GATAD2A: variants seen among roughly 807,000 people sequenced by gnomAD.
GATAD2A encodes GATA zinc finger domain containing 2A, also known as transcriptional repressor p66-alpha.
In GATAD2A, 12 loss-of-function variants were observed where a neutral mutation model predicts 68.5. The observed-to-expected ratio is 0.18, with a 90% CI of 0.11 to 0.28. The LOEUF (loss-of-function observed/expected upper bound fraction) is 0.28, where lower values mean the gene tolerates loss of function less well. Among genes scored for constraint, GATAD2A ranks in the 10% least tolerant of loss-of-function variants. GATAD2A has a pLI of 1.00. For synonymous variants in GATAD2A, 410 were observed against 375.3 expected (o/e 1.09, Z -1.07); for missense variants, 755 against 868.5 (o/e 0.87, Z 1.64).
At chr19:19,461,761 C>T (rs2057449667) in intron 1 of GATAD2A, among the ~76,000 whole-genome samples, 1 of 152,244 alleles carries the variant, frequency 6.6e-6, no homozygotes, top group South Asian at 2.1e-4. Context: ...CTCATCTGTG[C>T]TGGCTTGCAG....
At chr19:19,478,614 T>C (rs1349227224) in intron 2 of GATAD2A, among the ~76,000 whole-genome samples, 1 of 151,454 alleles carries the variant, frequency 6.6e-6, no homozygotes, top group African/African-American at 2.4e-5. Context: ...GAAAAAAAAT[T>C]TCAGCCTGGG....
Position 19,494,282 on chromosome 19 carries a change from G to C in GATAD2A, c.535-12G>C. On this transcript the variant is annotated splice_polypyrimidine_tract_variant and intron_variant, in intron 4 of 11. Coordinates refer to ENST00000683918, the MANE Select transcript of GATAD2A (RefSeq NM_001384528.1). ...GTGGCCCCTCACCTCCTGGTGTCCT[G>C]CTCTCTTGCAGCCCACAGGTTCTGT... is the stretch of plus-strand genomic sequence containing the variant. 6.3e-7 allele frequency: 1 copy of C among 1,575,082 alleles called. No homozygotes were observed. Among genetic ancestry groups the C allele is most frequent in the Non-Finnish European group, 8.7e-7 (1 of 1,146,204 alleles).
intron 10 of GATAD2A, 106 bp downstream of exon 10, chr19:19,502,149 C>G (rs1418018018): frequency 2.1e-6 from 2 of 934,116 alleles, no homozygotes; most frequent in Non-Finnish European, 3.4e-6. Context: ...CTCCCTGTTT[C>G]TGTTTCACTC....
At chr19:19,430,796 T>C (rs979480672) in intron 1 of GATAD2A, among the ~76,000 whole-genome samples, 2 of 152,166 alleles carry the variant, frequency 1.3e-5, no homozygotes, top group African/African-American at 2.4e-5. Context: ...ATGTGTCCTT[T>C]CCTCAAATTA....
At chr19:19,458,115 T>G (rs1014616414) in intron 1 of GATAD2A, among the ~76,000 whole-genome samples, 33 of 152,200 alleles carry the variant, frequency 2.2e-4, no homozygotes, top group Admixed American at 1.3e-4. Flanking sequence ...TGGTGTGTCT[T>G]TACTTTTCAG....
chr19:19,442,771 G>T (rs1458649228), intron 1 of GATAD2A, among the ~76,000 whole-genome samples: 2 of 104,426 alleles, frequency 1.9e-5, no homozygotes, highest in South Asian at 3.2e-4. Context: ...CCCCCAAGCT[G>T]AAAAAAAAAA....
rs11670540 is a variant in GATAD2A, at chr19:19,422,442, G to A, written c.-7+16423G>A. Among the ~76,000 whole-genome samples, 73 of 152,180 alleles carry A rather than the reference G, an allele frequency of 4.8e-4. 1 individual carries two copies. Among genetic ancestry groups the A allele is most frequent in the Non-Finnish European group, 3.2e-4 (22 of 67,986 alleles). On this transcript the variant is annotated intron_variant, in intron 1 of 11. Coordinates refer to ENST00000683918, the MANE Select transcript of GATAD2A (RefSeq NM_001384528.1). ...CTCCTCCTAGCTGGCAGAGCCCCAC[G>A]TCCACCTGGCACCTGCTTTCCCCAA...
chr19:19,498,134 G>A (rs1180809949), intron 7 of GATAD2A, among the ~76,000 whole-genome samples: 1 of 152,232 alleles, frequency 6.6e-6, no homozygotes, highest in Non-Finnish European at 1.5e-5. Context: ...CAGCCACATG[G>A]GTGCCCTCAC....
intron 2 of GATAD2A, among the ~76,000 whole-genome samples, chr19:19,485,924 T>C (rs918542950): frequency 6.6e-6 from 1 of 152,180 alleles, no homozygotes; most frequent in Admixed American, 6.5e-5. Flanking sequence ...TCAGAAATCC[T>C]TGTGAGTGAG....
In GATAD2A at chr19:19,407,925, G is replaced by A. The variant is rs150784017; in HGVS notation, c.-7+1906G>A. On this transcript the variant is annotated intron_variant, in intron 1 of 11. Transcript: ENST00000683918. ...GTTCTTATTTGTCTCATAAAATTCC[G>A]AAGCTGGTTTTTATGAAGATTGCTT... 5.3e-3 allele frequency among the ~76,000 whole-genome samples: 800 copies of A among 152,274 alleles called. 6 individuals are homozygous for A. The highest frequency in any genetic ancestry group is 0.04 in the South Asian group (195 of 4,816).
At chr19:19,431,375 A>G (rs1425606046) in intron 1 of GATAD2A, among the ~76,000 whole-genome samples, 1 of 150,766 alleles carries the variant, frequency 6.6e-6, no homozygotes, top group Non-Finnish European at 1.5e-5. Context: ...TCAGGGTTAA[A>G]CTATCCCTGC....
chr19:19,395,651 G>A (rs1334437956), intron 1 of GATAD2A, among the ~76,000 whole-genome samples: 1 of 152,168 alleles, frequency 6.6e-6, no homozygotes, highest in South Asian at 2.1e-4. Context: ...TTCCCCTCGG[G>A]AGCTTGTCTG....
At chr19:19,495,914 C>A in intron 6 of GATAD2A, 29 bp downstream of exon 6, 1 of 1,602,064 alleles carries the variant, frequency 6.2e-7, no homozygotes, top group Non-Finnish European at 8.5e-7. Flanking sequence ...ATGGGGGAGA[C>A]CTGGCAGCCT....
intron 1 of GATAD2A, among the ~76,000 whole-genome samples, chr19:19,407,365 A>G (rs910161590): frequency 6.6e-6 from 1 of 152,230 alleles, no homozygotes; most frequent in African/African-American, 2.4e-5. Flanking sequence ...TTGAGTGCCT[A>G]CTGTGTGCTA....
chr19:19,491,950 C>A (rs1265319369), intron 2 of GATAD2A, among the ~76,000 whole-genome samples: 1 of 152,214 alleles, frequency 6.6e-6, no homozygotes, highest in Non-Finnish European at 1.5e-5. Flanking sequence ...GCCCCAGGAT[C>A]CCGAGCCGAG....
At chr19:19,449,688 C>T (rs1016739583) in intron 1 of GATAD2A, among the ~76,000 whole-genome samples, 8 of 151,986 alleles carry the variant, frequency 5.3e-5, no homozygotes, top group African/African-American at 1.4e-4. Context: ...CCTGTGACCT[C>T]GGGAGGCTAA....
In GATAD2A at chr19:19,505,411, G is replaced by A; in HGVS notation, c.1842G>A (p.Gln614=). 1 of 1,612,804 alleles carries A rather than the reference G, an allele frequency of 6.2e-7. No individual in the cohort carries two copies. The highest frequency in any genetic ancestry group is 1.1e-5 in the South Asian group (1 of 90,924). The change falls in exon 12 of 12, where the codon CAG becomes CAA. Residue 614 remains glutamine, a synonymous_variant. Transcript: ENST00000683918. ...VHKSSSAVDR[Q]REYLLDMIPP... ...AGAGCTCCTCGGCCGTGGACCGCCA[G>A]CGAGAGTACCTCCTGGACATGATCC...
Position 19,505,789 on chromosome 19 carries a change from C to T in GATAD2A, c.*315C>T, listed in dbSNP as rs1457984490. On this transcript the variant is annotated 3_prime_UTR_variant, in exon 12 of 12. Coordinates refer to ENST00000683918, the MANE Select transcript of GATAD2A (RefSeq NM_001384528.1). ...AAGTGGACCTTGGGGGCTGGTTCTG[C>T]TCCTGGCCCCCTTGTTCAGCCCCTG... 16 of 456,972 alleles carry T rather than the reference C, an allele frequency of 3.5e-5. No individual in the cohort carries two copies. Among genetic ancestry groups the T allele is most frequent in the Admixed American group, 1.7e-4 (4 of 23,236 alleles). The allele number at this position is 456,972 out of a possible 1,614,324, so 28.3% of individuals were successfully genotyped here.
At chr19:19,453,813 G>A (rs1231045439) in intron 1 of GATAD2A, among the ~76,000 whole-genome samples, 1 of 151,472 alleles carries the variant, frequency 6.6e-6, no homozygotes, top group Non-Finnish European at 1.5e-5. Flanking sequence ...ACAGGTGCCC[G>A]CCACCACACC....
Sources: gnomAD v4.1 joint callset for allele counts (sites outside exome capture counted in the v4.1 genomes callset) on GRCh38, gnomAD v4.1.1 for gene constraint, MANE v1.5 for transcripts, NCBI Gene and HGNC (gene_info 2026-07-23, HGNC 2026-07-21) for gene names.